TRPC4AP: variants seen among roughly 807,000 people sequenced by gnomAD.
TRPC4AP encodes the protein transient receptor potential cation channel subfamily C member 4 associated protein.
In TRPC4AP, 45 loss-of-function variants were observed where a neutral mutation model predicts 99.0. The ratio of observed to expected loss-of-function variants is 0.45; its 90% confidence interval spans 0.36 to 0.58. The LOEUF is 0.58. Among genes scored for constraint, TRPC4AP ranks in the 20% least tolerant of loss-of-function variants. The pLI is 0.00. For synonymous variants in TRPC4AP, 408 were observed against 385.8 expected (o/e 1.06, Z -0.67); for missense variants, 879 against 985.3 (o/e 0.89, Z 1.44).
chr20:35,005,382 C>G (rs142957063), intron 16 of TRPC4AP, among the ~76,000 whole-genome samples: 1 of 152,342 alleles, frequency 6.6e-6, no homozygotes, highest in Non-Finnish European at 1.5e-5. Flanking sequence ...CACCACAGGG[C>G]ACCTGCGATG....
chr20:35,057,529 C>A lies in TRPC4AP; in HGVS notation c.457G>T (p.Gly153Ter). The A allele has an allele frequency of 6.2e-7, 1 of 1,611,682 alleles. No individual in the cohort carries two copies. The change falls in exon 4 of 19, where the codon GGA becomes TGA. Residue 153 changes from glycine (G) to a stop codon, truncating the protein, a stop_gained. Transcript: ENST00000252015. LOFTEE classifies it high-confidence loss of function. ...ILMRPTISIR[G>*]QKLKISDEMS... ...GTATACTTACTTTTCAGTTTCTGTC[C>A]CCGGATAGAGATCGTAGGCCTCATA...
At chr20:35,022,248 T>C (rs1600528196) in intron 8 of TRPC4AP, among the ~76,000 whole-genome samples, 4 of 152,216 alleles carry the variant, frequency 2.6e-5, no homozygotes, top group African/African-American at 9.6e-5. Context: ...TTCCGCTTGC[T>C]GGTTTCAAGC....
intron 3 of TRPC4AP, among the ~76,000 whole-genome samples, chr20:35,066,386 C>T (rs917652994): frequency 6.6e-6 from 1 of 152,184 alleles, no homozygotes; most frequent in Non-Finnish European, 1.5e-5. Context: ...GGATTACAGG[C>T]ATGAGTCACT....
chr20:35,007,067 C>G (rs2082532794), intron 14 of TRPC4AP, among the ~76,000 whole-genome samples: 1 of 152,182 alleles, frequency 6.6e-6, no homozygotes, highest in African/African-American at 2.4e-5. Flanking sequence ...GAGAATAAAG[C>G]CAATTTACTC....
At chr20:35,005,384 C>A (rs534075991) in intron 16 of TRPC4AP, among the ~76,000 whole-genome samples, 1 of 152,342 alleles carries the variant, frequency 6.6e-6, no homozygotes, top group Non-Finnish European at 1.5e-5. Flanking sequence ...CCACAGGGCA[C>A]CTGCGATGCC....
At chr20:35,085,209 T>C (rs542409200) in intron 1 of TRPC4AP, among the ~76,000 whole-genome samples, 23 of 152,362 alleles carry the variant, frequency 1.5e-4, no homozygotes, top group African/African-American at 5.3e-4. Flanking sequence ...GTTTTTTTGT[T>C]ACAAGCTCCA....
chr20:35,085,506 G>A (rs1462977873), intron 1 of TRPC4AP, among the ~76,000 whole-genome samples: 1 of 151,796 alleles, frequency 6.6e-6, no homozygotes, highest in Non-Finnish European at 1.5e-5. Context: ...CCAGATACTC[G>A]GGAGGCTGAG....
chr20:35,082,164 T>C (rs966402271), intron 1 of TRPC4AP, among the ~76,000 whole-genome samples: 9 of 152,034 alleles, frequency 5.9e-5, no homozygotes, highest in Non-Finnish European at 8.8e-5. Flanking sequence ...AATAAGGAAA[T>C]CCATAATCAT....
intron 2 of TRPC4AP, among the ~76,000 whole-genome samples, chr20:35,077,687 C>T (rs2084520131): frequency 6.6e-6 from 1 of 152,180 alleles, no homozygotes; most frequent in South Asian, 2.1e-4. Context: ...AACCATAAGG[C>T]CTCTTCCACG....
intron 1 of TRPC4AP, among the ~76,000 whole-genome samples, chr20:35,081,599 G>C (rs1233316677): frequency 6.6e-6 from 1 of 151,786 alleles, no homozygotes; most frequent in Non-Finnish European, 1.5e-5. Context: ...CAGAGAAACA[G>C]AAAGGCTAAA....
At chr20:35,057,730 CAA>C (rs1216171352) in intron 3 of TRPC4AP, among the ~76,000 whole-genome samples, 159 bp from the exon 4 acceptor site, 1 of 152,156 alleles carries the variant, frequency 6.6e-6, no homozygotes, top group Non-Finnish European at 1.5e-5. Flanking sequence ...CTGACTGCAG[CAA>C]GTCAGGAGAC....
intron 1 of TRPC4AP, among the ~76,000 whole-genome samples, chr20:35,081,605 CTAAAAG>C (rs551330888): frequency 4.1e-4 from 62 of 151,744 alleles, no homozygotes; most frequent in Admixed American, 5.3e-4. Context: ...AACAGAAAGG[CTAAAAG>C]TAAAAGAATG....
At chr20:35,092,579 C>A in intron 1 of TRPC4AP, 35 bp downstream of exon 1, 1 of 1,432,224 alleles carries the variant, frequency 7.0e-7, no homozygotes. Context: ...CCGCCTGGTC[C>A]GCCCCGCCCC....
chr20:35,087,380 A>G (rs1051804677), intron 1 of TRPC4AP, among the ~76,000 whole-genome samples: 24 of 151,998 alleles, frequency 1.6e-4, no homozygotes, highest in African/African-American at 5.8e-4. Flanking sequence ...AAAAAATATA[A>G]AGTAAGGAAC....
intron 1 of TRPC4AP, among the ~76,000 whole-genome samples, chr20:35,085,396 G>C (rs183026960): frequency 4.3e-4 from 66 of 152,246 alleles, no homozygotes; most frequent in South Asian, 2.9e-3. Context: ...CCCATTGCTT[G>C]ATCCCAGGAG....
chr20:35,020,944 T>C (rs902741962), intron 9 of TRPC4AP, among the ~76,000 whole-genome samples: 1 of 152,198 alleles, frequency 6.6e-6, no homozygotes. Context: ...AACTGCCTGC[T>C]TCTGCCCTCA....
intron 6 of TRPC4AP, among the ~76,000 whole-genome samples, chr20:35,045,341 T>C (rs2083534325): frequency 6.6e-6 from 1 of 152,206 alleles, no homozygotes; most frequent in Non-Finnish European, 1.5e-5. Context: ...GCTGATTCAA[T>C]CACTTCCCGC....
chr20:35,037,782 T>A (rs1157214347), intron 7 of TRPC4AP, among the ~76,000 whole-genome samples: 2 of 152,186 alleles, frequency 1.3e-5, no homozygotes, highest in Non-Finnish European at 2.9e-5. Context: ...TTACTATACC[T>A]TTTTTCTATG....
chr20:35,038,456 T>G (rs1325091230), intron 7 of TRPC4AP, among the ~76,000 whole-genome samples: 2 of 152,172 alleles, frequency 1.3e-5, no homozygotes. Flanking sequence ...AGTATGCCTG[T>G]ATAATAGAAT....
Sources: gnomAD v4.1 joint callset for allele counts (sites outside exome capture counted in the v4.1 genomes callset) on GRCh38, gnomAD v4.1.1 for gene constraint, MANE v1.5 for transcripts, NCBI Gene and HGNC (gene_info 2026-07-23, HGNC 2026-07-21) for gene names.